Variants in INTS8 observed in about 807,000 individuals in gnomAD.
INTS8 encodes integrator complex subunit 8.
Under a neutral mutation model 138.9 loss-of-function variants are expected in INTS8, and 47 were observed. The observed-to-expected ratio is 0.34, with a 90% CI of 0.27 to 0.43. The LOEUF (loss-of-function observed/expected upper bound fraction) is 0.43. INTS8 is among the 20% of genes least tolerant of loss of function. INTS8 has a pLI of 1.00. For synonymous variants in INTS8, 392 were observed against 400.9 expected (o/e 0.98, Z 0.27); for missense variants, 996 against 1,173.0 (o/e 0.85, Z 2.20).
intron 23 of INTS8, 34 bp from the exon 24 acceptor site, chr8:94,876,040 A>T: frequency 7.3e-7 from 1 of 1,365,496 alleles, no homozygotes; most frequent in Non-Finnish European, 1.0e-6. Flanking sequence ...AGCTTTCATT[A>T]CATGAAACCA....
At chr8:94,874,699 A>G (rs1016960523) in intron 23 of INTS8, 97 bp downstream of exon 23, 2 of 712,352 alleles carry the variant, frequency 2.8e-6, no homozygotes, top group East Asian at 2.9e-5. Context: ...TTTATTTTCC[A>G]TATCAAAATC....
chr8:94,832,429 ATACAGTTATATGTAATTGATT>A (rs1455622651), intron 6 of INTS8, among the ~76,000 whole-genome samples: 1 of 152,216 alleles, frequency 6.6e-6, no homozygotes, highest in Non-Finnish European at 1.5e-5. Flanking sequence ...AGTACTGAGA[ATACAGTTATATGTAATTGATT>A]TACAGTTCTT....
At chr8:94,829,965 C>G (rs1586467462) in intron 5 of INTS8, among the ~76,000 whole-genome samples, 1 of 152,172 alleles carries the variant, frequency 6.6e-6, no homozygotes, top group East Asian at 1.9e-4. Flanking sequence ...GTGGCGGAGT[C>G]AGCTCACTGC....
chr8:94,826,351 C>CAA (rs1814502398), intron 2 of INTS8, among the ~76,000 whole-genome samples: 1 of 151,328 alleles, frequency 6.6e-6, no homozygotes, highest in South Asian at 2.1e-4. Context: ...GCGCGATATT[C>CAA]GCTCACTGCA....
intron 23 of INTS8, 71 bp downstream of exon 23, chr8:94,874,673 G>T: frequency 1.2e-6 from 1 of 857,920 alleles, no homozygotes. Flanking sequence ...ATAAAGCATT[G>T]AACTGGAAAT....
At position 94,880,245 on chromosome 8, in the gene INTS8, T is replaced by G. The variant is rs748651472; in HGVS notation, c.*11T>G. The G allele has an allele frequency of 2.8e-6, 4 of 1,438,664 alleles. No individual in the cohort carries two copies. Among genetic ancestry groups the G allele is most frequent in the Non-Finnish European group, 3.9e-6 (4 of 1,036,634 alleles). The allele number at this position is 1,438,664 out of a possible 1,614,324, so 89.1% of individuals were successfully genotyped here. A position where few individuals can be genotyped will look rare whatever the true frequency, so the allele number is the denominator to read the frequency against. The stretch of plus-strand genomic sequence containing the variant: ...AAACTTTACTTTTAAGCAGTTAAAT[T>G]TTTTTAACTTTTATTTTTTAAACAA... On this transcript the variant is annotated 3_prime_UTR_variant, in exon 27 of 27. Transcript: ENST00000523731.
At chr8:94,855,144 A>T (rs1312248530) in intron 14 of INTS8, among the ~76,000 whole-genome samples, 3 of 152,192 alleles carry the variant, frequency 2.0e-5, no homozygotes, top group Admixed American at 2.0e-4. Flanking sequence ...AAGCCCTCAA[A>T]GTAATTCTGT....
chr8:94,836,031 C>T (rs1467355382), intron 6 of INTS8, among the ~76,000 whole-genome samples: 1 of 152,170 alleles, frequency 6.6e-6, no homozygotes, highest in Non-Finnish European at 1.5e-5. Flanking sequence ...TGAGCTGGTC[C>T]TAGTAAGTCA....
At position 94,861,292 on chromosome 8, in the gene INTS8, C is replaced by A. The variant is rs113631259; in HGVS notation, c.2076+1660C>A. ...TTTTTTTTTTTTTGAGACGGAGTCT[C>A]GCTCTGTCGCCCAGGCTGGAGTGCA... On this transcript the variant is annotated intron_variant, in intron 16 of 26. Coordinates refer to ENST00000523731, the MANE Select transcript of INTS8 (RefSeq NM_017864.4). 2.1e-5 allele frequency among the ~76,000 whole-genome samples: 2 copies of A among 93,036 alleles called. 1 individual carries two copies. The highest frequency in any genetic ancestry group is 4.0e-5 in the Non-Finnish European group (2 of 49,630). 61.0% of individuals were successfully genotyped at this position (93,036 alleles called of 152,430 possible). A position where few individuals can be genotyped will look rare whatever the true frequency, so the allele number is the denominator to read the frequency against.
chr8:94,826,313 GCT>G (rs1814499355), intron 2 of INTS8, among the ~76,000 whole-genome samples: 1 of 150,544 alleles, frequency 6.6e-6, no homozygotes, highest in South Asian at 2.1e-4. Context: ...ACGGAGTCTC[GCT>G]CTGTCACCCA....
intron 5 of INTS8, 100 bp from the exon 6 acceptor site, chr8:94,831,892 A>G (rs1814731352): frequency 4.6e-6 from 4 of 870,912 alleles, no homozygotes; most frequent in African/African-American, 1.7e-5. Flanking sequence ...AATTTTTTTA[A>G]TAGCTTAGTG....
chr8:94,854,754 C>G (rs1361815906), intron 14 of INTS8, among the ~76,000 whole-genome samples: 2 of 152,124 alleles, frequency 1.3e-5, no homozygotes, highest in Non-Finnish European at 1.5e-5. Flanking sequence ...TTGTTTGAGA[C>G]AGGGTGTTGC....
intron 16 of INTS8, among the ~76,000 whole-genome samples, chr8:94,865,057 C>T (rs12056517): frequency 0.18 from 28,046 of 151,634 alleles, 2,726 homozygotes; most frequent in Middle Eastern, 0.27. Flanking sequence ...TGTGTATTTG[C>T]ACGTGGGAGA....
In INTS8 at chr8:94,856,951, C is replaced by T. The variant is rs772313834; in HGVS notation, c.1927C>T (p.Arg643Ter). Residue 643 changes from arginine to a stop codon, truncating the protein, a stop_gained, in exon 15 of 27, where the codon CGA becomes TGA. Transcript: ENST00000523731. LOFTEE classifies it high-confidence loss of function. ...GCCATCCGACCTTATAAGTAGAGTACGAGGCTATCTGGAAATGAGGCTTCC... is the reference window on the plus strand; with the variant it reads ...GCCATCCGACCTTATAAGTAGAGTATGAGGCTATCTGGAAATGAGGCTTCC... ...RPPSDLISRV[R>*]GYLEMRLPDI... The T allele has an allele frequency of 2.5e-6, 4 of 1,613,794 alleles. No homozygotes were observed. Among genetic ancestry groups the T allele is most frequent in the Non-Finnish European group, 3.4e-6 (4 of 1,179,964 alleles).
At chr8:94,858,688 A>C (rs1815842232) in intron 15 of INTS8, among the ~76,000 whole-genome samples, 1 of 152,150 alleles carries the variant, frequency 6.6e-6, no homozygotes, top group African/African-American at 2.4e-5. Flanking sequence ...AGGTGCAGAG[A>C]GGTTGAGGAA....
At chr8:94,841,427 G>A (rs1266432717) in intron 8 of INTS8, 64 bp from the exon 9 acceptor site, 3 of 732,144 alleles carry the variant, frequency 4.1e-6, no homozygotes, top group Admixed American at 2.6e-5. Flanking sequence ...AGAAAGACTT[G>A]TTTAAAGTAA....
rs762773984 is a variant in INTS8, at chr8:94,828,959, A to G, written c.519-16A>G. Reference sequence around the variant, plus strand: ...GTAACTTTTGATACTTTTGTTTTCAATTGTTTCTCTTTTAGTATGAATCAA... The same window carrying G: ...GTAACTTTTGATACTTTTGTTTTCAGTTGTTTCTCTTTTAGTATGAATCAA... On this transcript the variant is annotated splice_polypyrimidine_tract_variant and intron_variant, in intron 4 of 26. Transcript: ENST00000523731. The G allele has an allele frequency of 5.1e-6, 8 of 1,563,478 alleles. No homozygotes were observed. Among genetic ancestry groups the G allele is most frequent in the African/African-American group, 4.1e-5 (3 of 73,484 alleles).
chr8:94,869,574 C>T lies in INTS8; in HGVS notation c.2414+2237C>T, dbSNP rs542938182. Among the ~76,000 whole-genome samples, 48 of 151,970 alleles carry T rather than the reference C, an allele frequency of 3.2e-4. No homozygotes were observed. The South Asian group carries it at 9.8e-3, about 31-fold the overall frequency. ...GTGGCATGATCTCAGCTCACTGCAA[C>T]CTCCGCCTCCCGGGTTCAAGCAATT... On this transcript the variant is annotated intron_variant, in intron 20 of 26. Transcript: ENST00000523731.
At chr8:94,864,581 G>A (rs947088670) in intron 16 of INTS8, 2 of 152,222 alleles carry the variant, frequency 1.3e-5, no homozygotes, top group African/African-American at 4.8e-5. Flanking sequence ...GGTGACACAT[G>A]CCTGTAATTC....
Sources: gnomAD v4.1 joint callset for allele counts (sites outside exome capture counted in the v4.1 genomes callset) on GRCh38, gnomAD v4.1.1 for gene constraint, MANE v1.5 for transcripts, NCBI Gene and HGNC (gene_info 2026-07-23, HGNC 2026-07-21) for gene names.